Variants in SGCZ observed in about 807,000 individuals in gnomAD.
SGCZ encodes the protein zeta-sarcoglycan.
A neutral mutation model predicts 41.3 loss-of-function variants in SGCZ; 40 were observed. The observed-to-expected ratio is 0.97, with a 90% confidence interval of 0.75 to 1.26. The LOEUF is 1.26. SGCZ is among the 50% of genes most tolerant of loss of function. The pLI, the probability that SGCZ is intolerant of heterozygous loss-of-function variation, is 0.00. For missense variants in SGCZ, 552 were observed against 369.8 expected (o/e 1.49, Z -4.04); for synonymous variants, 206 against 137.5 (o/e 1.50, Z -3.49).
intron 2 of SGCZ, among the ~76,000 whole-genome samples, chr8:14,511,232 G>A (rs1381909620): frequency 6.6e-6 from 1 of 151,768 alleles, no homozygotes; most frequent in Non-Finnish European, 1.5e-5. Flanking sequence ...TCCCTGTAGG[G>A]AAAGCCTGTG....
chr8:15,162,973 T>A (rs1799557813), intron 1 of SGCZ, among the ~76,000 whole-genome samples: 1 of 152,354 alleles, frequency 6.6e-6, no homozygotes, highest in South Asian at 2.1e-4. Context: ...TAAATTTGCA[T>A]AAAATGTCTT....
At chr8:14,880,030 T>G (rs192628974) in intron 1 of SGCZ, among the ~76,000 whole-genome samples, 1 of 152,038 alleles carries the variant, frequency 6.6e-6, no homozygotes, top group African/African-American at 2.4e-5. Flanking sequence ...TAGTAGAGAC[T>G]GTGTTTCTCC....
chr8:15,033,499 G>C (rs2130962782), intron 1 of SGCZ, among the ~76,000 whole-genome samples: 1 of 152,146 alleles, frequency 6.6e-6, no homozygotes, highest in African/African-American at 2.4e-5. Context: ...CTTAGTACCT[G>C]TGTGACCCCC....
At chr8:14,561,233 T>C (rs1471368347) in intron 1 of SGCZ, among the ~76,000 whole-genome samples, 1 of 152,198 alleles carries the variant, frequency 6.6e-6, no homozygotes, top group Non-Finnish European at 1.5e-5. Flanking sequence ...GCATTAACTA[T>C]ATTCTGAAAT....
At chr8:14,400,263 G>T (rs76867322) in intron 2 of SGCZ, among the ~76,000 whole-genome samples, 6,128 of 152,044 alleles carry the variant, frequency 0.04, 384 homozygotes, top group African/African-American at 0.14. Flanking sequence ...CCATTCATCA[G>T]TTGACATTTT....
At chr8:14,879,996 A>G (rs1804525437) in intron 1 of SGCZ, among the ~76,000 whole-genome samples, 2 of 151,894 alleles carry the variant, frequency 1.3e-5, no homozygotes, top group Non-Finnish European at 2.9e-5. Context: ...TTGCACCACC[A>G]CACCCGGCTA....
At chr8:14,507,828 A>G (rs573181623) in intron 2 of SGCZ, among the ~76,000 whole-genome samples, 1 of 150,562 alleles carries the variant, frequency 6.6e-6, no homozygotes, top group African/African-American at 2.4e-5. Context: ...CTGGAGTGCA[A>G]TGGCGCGATC....
chr8:14,757,670 G>A (rs750526078), intron 1 of SGCZ, among the ~76,000 whole-genome samples: 5 of 152,170 alleles, frequency 3.3e-5, no homozygotes, highest in African/African-American at 4.8e-5. Context: ...CGGTTTCACA[G>A]CAACTCTAGC....
intron 2 of SGCZ, among the ~76,000 whole-genome samples, chr8:14,531,355 G>A (rs1252553188): frequency 1.3e-5 from 2 of 151,740 alleles, no homozygotes; most frequent in African/African-American, 4.8e-5. Context: ...ATTCTCCAGT[G>A]TCTGCATACC....
intron 3 of SGCZ, among the ~76,000 whole-genome samples, chr8:14,273,203 TTAAAA>T (rs1483112656): frequency 1.3e-5 from 2 of 152,120 alleles, no homozygotes; most frequent in Non-Finnish European, 2.9e-5. Context: ...ATAATTAAAA[TTAAAA>T]TAATATAAAA....
At chr8:14,572,329 A>C (rs1282305145) in intron 1 of SGCZ, among the ~76,000 whole-genome samples, 1 of 152,158 alleles carries the variant, frequency 6.6e-6, no homozygotes, top group East Asian at 1.9e-4. Flanking sequence ...AATGAAAAGG[A>C]ATCCTTTTTA....
At chr8:14,986,169 G>T (rs947316714) in intron 1 of SGCZ, among the ~76,000 whole-genome samples, 1 of 151,844 alleles carries the variant, frequency 6.6e-6, no homozygotes, top group African/African-American at 2.4e-5. Context: ...ATACAGGTAT[G>T]GAACATTTTT....
chr8:14,790,122 A>C (rs1346294846), intron 1 of SGCZ, among the ~76,000 whole-genome samples: 1 of 152,182 alleles, frequency 6.6e-6, no homozygotes, highest in Non-Finnish European at 1.5e-5. Flanking sequence ...CATTGAATGC[A>C]TGTATGTGTT....
At chr8:14,875,315 G>C (rs1204347301) in intron 1 of SGCZ, among the ~76,000 whole-genome samples, 1 of 152,090 alleles carries the variant, frequency 6.6e-6, no homozygotes, top group Admixed American at 6.6e-5. Context: ...CATTAATGAG[G>C]ACAAAGTCCA....
chr8:15,115,472 A>G (rs138317987), intron 1 of SGCZ, among the ~76,000 whole-genome samples: 1 of 152,342 alleles, frequency 6.6e-6, no homozygotes, highest in African/African-American at 2.4e-5. Context: ...CAGAAACTCA[A>G]GACAAACAAA....
chr8:14,546,709 T>C (rs1386748607), intron 2 of SGCZ, among the ~76,000 whole-genome samples: 1 of 152,190 alleles, frequency 6.6e-6, no homozygotes, highest in African/African-American at 2.4e-5. Flanking sequence ...AGCAGTAATA[T>C]TGTATTTATA....
At chr8:14,124,516 C>T (rs543071723) in intron 5 of SGCZ, among the ~76,000 whole-genome samples, 21 of 152,254 alleles carry the variant, frequency 1.4e-4, no homozygotes, top group Non-Finnish European at 2.5e-4. Context: ...AATAGTGCTT[C>T]TCAAATTGCA....
chr8:14,636,343 A>G (rs1428551953), intron 1 of SGCZ, among the ~76,000 whole-genome samples: 2 of 151,926 alleles, frequency 1.3e-5, no homozygotes, highest in African/African-American at 4.8e-5. Context: ...TAACCACAAT[A>G]TATGGAATAG....
chr8:14,440,372 T>G (rs1800213955), intron 2 of SGCZ, among the ~76,000 whole-genome samples: 1 of 152,154 alleles, frequency 6.6e-6, no homozygotes, highest in Non-Finnish European at 1.5e-5. Context: ...ATTTTGAATT[T>G]GGTGATAAAA....
Sources: allele counts gnomAD v4.1 joint callset (sites outside exome capture counted in the v4.1 genomes callset), GRCh38; gene constraint gnomAD v4.1.1; transcripts MANE v1.5; gene names NCBI Gene and HGNC (gene_info 2026-07-23, HGNC 2026-07-21).